DCLK1: variants seen among roughly 807,000 people sequenced by gnomAD.
The protein encoded by DCLK1 is doublecortin like kinase 1.
DCLK1 carries 16 observed loss-of-function variants against 86.2 expected under a neutral mutation model. The ratio of observed to expected loss-of-function variants is 0.19; its 90% CI spans 0.13 to 0.28. The LOEUF (loss-of-function observed/expected upper bound fraction) is 0.28. Among genes scored for constraint, DCLK1 ranks in the 10% least tolerant of loss-of-function variants. DCLK1 has a pLI of 1.00. For missense variants in DCLK1, 590 were observed against 940.2 expected (o/e 0.63, Z 4.87); for synonymous variants, 369 against 370.5 (o/e 1.00, Z 0.05).
At chr13:35,862,956 G>A (rs1053692997) in intron 5 of DCLK1, among the ~76,000 whole-genome samples, 10 of 152,172 alleles carry the variant, frequency 6.6e-5, no homozygotes, top group Non-Finnish European at 1.2e-4. Context: ...CCATATATCC[G>A]ATGGTGGTCC....
In DCLK1 at chr13:35,774,435, G is replaced by T. The variant is rs762594588; in HGVS notation, c.*100C>A. 2.9e-6 allele frequency: 4 copies of T among 1,397,782 alleles called. No homozygotes were observed. The highest frequency in any genetic ancestry group is 3.9e-6 in the Non-Finnish European group (4 of 1,026,582). 86.6% of individuals were successfully genotyped at this position (1,397,782 alleles called of 1,614,324 possible). A position where few individuals can be genotyped will look rare whatever the true frequency, so the allele number is the denominator to read the frequency against. On this transcript the variant is annotated 3_prime_UTR_variant, in exon 17 of 17. Coordinates refer to ENST00000360631, the MANE Select transcript of DCLK1 (RefSeq NM_001330071.2). ...TTCAGTTCTGCCATTCAAGCATTGA[G>T]CGCTAGATAGATCAGATGAAACTGT...
intron 11 of DCLK1, 144 bp downstream of exon 11, chr13:35,822,585 G>T: frequency 2.5e-6 from 3 of 1,185,666 alleles, no homozygotes; most frequent in Non-Finnish European, 3.5e-6. Context: ...TAAAAGGCTA[G>T]TTTCCAACTA....
At chr13:35,897,007 T>C (rs1874043814) in intron 4 of DCLK1, among the ~76,000 whole-genome samples, 1 of 151,994 alleles carries the variant, frequency 6.6e-6, no homozygotes, top group South Asian at 2.1e-4. Flanking sequence ...GACAGCATGG[T>C]CCAGGGCAGG....
chr13:35,822,809 G>C lies in DCLK1; in HGVS notation c.1474C>G (p.Leu492Val). Residue 492 changes from leucine to valine, a missense_variant, in exon 11 of 17, where the codon CTG (leucine) becomes GTG (valine). Physicochemically the swap from Leu to Val is conservative, Grantham distance 32 (BLOSUM62 1). Around this residue, in one of 6 missense-constraint regions of DCLK1, gnomAD observed 108 missense variants for 195.7 expected, o/e 0.55. Transcript: ENST00000360631. ...TTGATGGCGCTGGCTAGGTTGTACA[G>C]CATCCCACTGGCGTCTCTCTCGGTG... is the stretch of plus-strand genomic sequence containing the variant. Reference protein sequence around the residue: ...KYTERDASGMLYNLASAIKYL... With the variant: ...KYTERDASGMVYNLASAIKYL... 7 of 1,613,886 alleles carry C rather than the reference G, an allele frequency of 4.3e-6. No individual in the cohort carries two copies. Among genetic ancestry groups the C allele is most frequent in the Non-Finnish European group, 5.9e-6 (7 of 1,179,980 alleles).
chr13:36,054,795 C>T (rs1000153040), intron 3 of DCLK1, among the ~76,000 whole-genome samples: 1 of 152,070 alleles, frequency 6.6e-6, no homozygotes, highest in African/African-American at 2.4e-5. Context: ...AGGTCTTGTC[C>T]ACACTAACGA....
chr13:36,101,296 G>A (rs1885209526), intron 3 of DCLK1, among the ~76,000 whole-genome samples: 1 of 152,160 alleles, frequency 6.6e-6, no homozygotes, highest in Non-Finnish European at 1.5e-5. Flanking sequence ...CATACAGGAA[G>A]CCATTCACCC....
At chr13:35,949,931 GA>G (rs1239545287) in intron 3 of DCLK1, among the ~76,000 whole-genome samples, 1 of 150,288 alleles carries the variant, frequency 6.7e-6, no homozygotes, top group Non-Finnish European at 1.5e-5. Flanking sequence ...GATTGTTAGA[GA>G]AAAGTAACTG....
chr13:35,923,528 C>A (rs1202966291), intron 4 of DCLK1, among the ~76,000 whole-genome samples: 1 of 151,878 alleles, frequency 6.6e-6, no homozygotes. Flanking sequence ...TAGGAGGGAG[C>A]AGTGGGGGGT....
intron 3 of DCLK1, among the ~76,000 whole-genome samples, chr13:36,096,507 C>T (rs1181998927): frequency 6.6e-6 from 1 of 152,068 alleles, no homozygotes; most frequent in Non-Finnish European, 1.5e-5. Flanking sequence ...AGTCTCTTTC[C>T]TTGAGAAGAA....
intron 16 of DCLK1, among the ~76,000 whole-genome samples, chr13:35,789,479 A>G (rs1278728487): frequency 6.6e-6 from 1 of 152,178 alleles, no homozygotes; most frequent in African/African-American, 2.4e-5. Flanking sequence ...CTTGGCCACA[A>G]AGACAGCTAC....
intron 15 of DCLK1, among the ~76,000 whole-genome samples, chr13:35,794,701 T>C (rs2086772047): frequency 6.6e-6 from 1 of 152,236 alleles, no homozygotes; most frequent in Admixed American, 6.5e-5. Context: ...TCTTCGTAAC[T>C]TGGGTCTAAC....
At chr13:36,104,202 T>C (rs1282499326) in intron 3 of DCLK1, among the ~76,000 whole-genome samples, 1 of 152,152 alleles carries the variant, frequency 6.6e-6, no homozygotes, top group East Asian at 1.9e-4. Flanking sequence ...AGCTCCTATA[T>C]GGCCATGACC....
intron 11 of DCLK1, among the ~76,000 whole-genome samples, chr13:35,813,730 C>CTTTT (rs35366486): frequency 1.9e-5 from 2 of 105,438 alleles, no homozygotes; most frequent in African/African-American, 3.6e-5. Context: ...CCCCGCCCCG[C>CTTTT]TTTTTTTTTT....
At chr13:36,116,003 G>A (rs538766749) in intron 2 of DCLK1, among the ~76,000 whole-genome samples, 82 of 151,722 alleles carry the variant, frequency 5.4e-4, no homozygotes, top group African/African-American at 1.9e-3. Flanking sequence ...AGGCTGGAGT[G>A]CAGTGGTGTG....
chr13:35,890,446 A>G (rs566692738), intron 4 of DCLK1, among the ~76,000 whole-genome samples: 1 of 152,330 alleles, frequency 6.6e-6, no homozygotes, highest in East Asian at 1.9e-4. Context: ...ACAGCATAGT[A>G]TTCCATTAAA....
chr13:35,950,084 C>A lies in DCLK1; in HGVS notation c.724-2627G>T, dbSNP rs138628650. ...TCTGATGTTTTCCGTGCTTTCTGTT[C>A]GAAATCATGTAACCACTTTCCTGCT... On this transcript the variant is annotated intron_variant, in intron 3 of 16. Transcript: ENST00000360631. 2.2e-3 allele frequency among the ~76,000 whole-genome samples: 328 copies of A among 152,280 alleles called. 3 individuals carry two copies. The highest frequency in any genetic ancestry group is 3.7e-3 in the South Asian group (18 of 4,818).
At chr13:35,920,853 C>A (rs1448494656) in intron 4 of DCLK1, among the ~76,000 whole-genome samples, 1 of 152,094 alleles carries the variant, frequency 6.6e-6, no homozygotes, top group Admixed American at 6.5e-5. Flanking sequence ...CGATGTGGCC[C>A]CCAGCAAGGA....
intron 10 of DCLK1, among the ~76,000 whole-genome samples, chr13:35,823,663 C>A (rs538810785): frequency 6.8e-4 from 103 of 152,272 alleles, no homozygotes; most frequent in Non-Finnish European, 1.1e-3. Context: ...TTCAAAAATC[C>A]TTTCAGAGAA....
At chr13:35,933,709 C>A (rs1041050262) in intron 4 of DCLK1, among the ~76,000 whole-genome samples, 1 of 152,172 alleles carries the variant, frequency 6.6e-6, no homozygotes, top group East Asian at 1.9e-4. Context: ...AGCTCAGGGA[C>A]CCTGGGCCCA....
Sources: gnomAD v4.1 joint callset for allele counts (sites outside exome capture counted in the v4.1 genomes callset) on GRCh38, gnomAD v4.1.1 for gene constraint, gnomAD v4.1.1 regional missense constraint, MANE v1.5 for transcripts, NCBI Gene and HGNC (gene_info 2026-07-23, HGNC 2026-07-21) for gene names.